Variants in TTC7A observed in about 807,000 individuals in gnomAD.
TTC7A encodes tetratricopeptide repeat protein 7A.
TTC7A carries 110 observed loss-of-function variants against 103.7 expected under a neutral mutation model. The ratio of observed to expected loss-of-function variants is 1.06; its 90% CI spans 0.91 to 1.24. The LOEUF (loss-of-function observed/expected upper bound fraction) is 1.24. Ranked by LOEUF, TTC7A falls within the 50% of genes most tolerant of loss-of-function variation. The pLI is 0.00. For missense variants in TTC7A, 1,340 were observed against 1,116.3 expected (o/e 1.20, Z -2.86); for synonymous variants, 521 against 467.9 (o/e 1.11, Z -1.47).
chr2:46,952,019 G>A (rs796711096), intron 2 of TTC7A, among the ~76,000 whole-genome samples: 4 of 152,318 alleles, frequency 2.6e-5, no homozygotes, highest in African/African-American at 9.6e-5. Flanking sequence ...GATCCTTCTG[G>A]GGCTGGATCT....
rs544628025 is a variant in TTC7A at position 46,969,156 on chromosome 2, A to C, written c.518-5817A>C. 4.6e-5 allele frequency among the ~76,000 whole-genome samples: 7 copies of C among 151,808 alleles called. No homozygotes were observed. The East Asian group carries it at 1.4e-3, about 29-fold the overall frequency. On this transcript the variant is annotated intron_variant, in intron 3 of 19. Coordinates refer to ENST00000319190, the MANE Select transcript of TTC7A (RefSeq NM_020458.4). ...TTTTTATGTCTGGTTTCTTTTGCAC[A>C]TGTAATTTTTAAGTAATTCATTTGT...
At position 47,024,522 on chromosome 2, in the gene TTC7A, G is replaced by A. The variant is rs556782943; in HGVS notation, c.1641+163G>A. ...CTTTGAGCCCTCATCAGAGGGGCCAGTAAGGATGAGGTCAGGTAATGTGGG... is the reference window on the plus strand; with the variant it reads ...CTTTGAGCCCTCATCAGAGGGGCCAATAAGGATGAGGTCAGGTAATGTGGG... On this transcript the variant is annotated intron_variant, in intron 14 of 19. Coordinates refer to ENST00000319190, the MANE Select transcript of TTC7A (RefSeq NM_020458.4). Among the ~76,000 whole-genome samples, 368 of 152,254 alleles carry A rather than the reference G, an allele frequency of 2.4e-3. 3 individuals carry two copies. The highest frequency in any genetic ancestry group is 8.2e-3 in the African/African-American group (342 of 41,526).
At chr2:46,992,090 C>G (rs1343433080) in intron 5 of TTC7A, among the ~76,000 whole-genome samples, 1 of 152,200 alleles carries the variant, frequency 6.6e-6, no homozygotes, top group Non-Finnish European at 1.5e-5. Context: ...GCTCTTCACC[C>G]TCTGTGATCT....
intron 19 of TTC7A, chr2:47,067,852 C>G (rs1368049809): frequency 6.6e-6 from 1 of 151,876 alleles, no homozygotes; most frequent in African/African-American, 2.4e-5. Flanking sequence ...TTCAGATGCT[C>G]TTGGTTCTCG....
Position 47,073,881 on chromosome 2 carries a change from C to T in TTC7A, c.2535C>T (p.Ser845=), listed in dbSNP as rs1384629380. 6.2e-7 allele frequency: 1 copy of T among 1,613,406 alleles called. No homozygotes were observed. ...CFLTALELEA[S]SPVLPFSIIP... ...TCACCGCCCTTGAGCTGGAGGCCAG[C>T]AGCCCTGTACTGCCCTTCTCCATCA... The change falls in exon 20 of 20, where the codon AGC becomes AGT. Residue 845 remains serine (S), a synonymous_variant. Transcript: ENST00000319190.
At chr2:47,050,297 G>A in intron 17 of TTC7A, 1 of 527,998 alleles carries the variant, frequency 1.9e-6, no homozygotes. Flanking sequence ...GAGGAGCCTG[G>A]CTGAAAAGGT....
intron 11 of TTC7A, among the ~76,000 whole-genome samples, chr2:47,020,238 T>G (rs1679131992): frequency 6.6e-6 from 1 of 152,192 alleles, no homozygotes; most frequent in African/African-American, 2.4e-5. Flanking sequence ...AGCTGTCAGG[T>G]GCTGAGCCAG....
At chr2:46,972,545 C>T (rs964040901) in intron 3 of TTC7A, among the ~76,000 whole-genome samples, 6 of 152,198 alleles carry the variant, frequency 3.9e-5, no homozygotes, top group Non-Finnish European at 8.8e-5. Context: ...AGCGACAATT[C>T]TAAGACTGGT....
At chr2:47,064,487 C>T (rs115831722) in intron 19 of TTC7A, among the ~76,000 whole-genome samples, 1,776 of 152,328 alleles carry the variant, frequency 0.012, 26 homozygotes, top group African/African-American at 0.038. Context: ...GGCAGAGGCC[C>T]TCCCAGAATG....
chr2:47,041,179 C>T (rs1451247042), intron 15 of TTC7A, among the ~76,000 whole-genome samples: 1 of 152,160 alleles, frequency 6.6e-6, no homozygotes, highest in African/African-American at 2.4e-5. Context: ...AACTTTGCTT[C>T]TGGACAGTTT....
intron 8 of TTC7A, among the ~76,000 whole-genome samples, chr2:47,002,793 C>G (rs1676964756): frequency 6.6e-6 from 1 of 152,112 alleles, no homozygotes; most frequent in South Asian, 2.1e-4. Context: ...CACTGCCCAG[C>G]AACCACCAGG....
In TTC7A at chr2:46,978,068, A is replaced by G. The variant is rs1572790934; in HGVS notation, c.649-724A>G. ...TGGACAGTAGTGAGACTCAGGAGAC[A>G]CAGCTCCTGTCCTGTGGGAGTGAAG... is the stretch of plus-strand genomic sequence containing the variant. On this transcript the variant is annotated intron_variant, in intron 4 of 19. Transcript: ENST00000319190. 2.0e-5 allele frequency: 3 copies of G among 152,364 alleles called. No individual in the cohort carries two copies. The Middle Eastern group carries it at 0.01, about 518-fold the overall frequency. The allele number at this position is 152,364 out of a possible 1,614,324, so 9.4% of individuals were successfully genotyped here. A position where few individuals can be genotyped will look rare whatever the true frequency, so the allele number is the denominator to read the frequency against.
intron 3 of TTC7A, chr2:46,958,447 T>G: frequency 1.6e-6 from 2 of 1,277,588 alleles, no homozygotes; most frequent in Non-Finnish European, 2.1e-6. Context: ...CTCCTGAGCC[T>G]GGCTCAGGAT....
intron 11 of TTC7A, among the ~76,000 whole-genome samples, chr2:47,021,475 C>T (rs910256006): frequency 1.8e-4 from 27 of 152,214 alleles, no homozygotes; most frequent in African/African-American, 5.8e-4. Context: ...AGCTCATGGA[C>T]GGGGCCAGAG....
chr2:47,006,045 G>T lies in TTC7A; in HGVS notation c.1189G>T (p.Val397Phe). The change falls in exon 9 of 20, where the codon GTC becomes TTC. Residue 397 changes from valine (V) to phenylalanine (F), a missense_variant. Coordinates refer to ENST00000319190, the MANE Select transcript of TTC7A (RefSeq NM_020458.4). ...SITLGRRGQY[V>F]MLSECLERAM... is the part of the protein sequence containing the mutation. The stretch of plus-strand genomic sequence containing the variant: ...CACGTTGGGCAGAAGGGGACAGTAC[G>T]TCATGCTCTCGGAGGTACGGCCGGC... 1 of 1,613,750 alleles carries T rather than the reference G, an allele frequency of 6.2e-7. No individual in the cohort carries two copies. The highest frequency in any genetic ancestry group is 8.5e-7 in the Non-Finnish European group (1 of 1,179,910).
At chr2:47,033,267 C>G (rs1335536312) in intron 15 of TTC7A, among the ~76,000 whole-genome samples, 2 of 152,248 alleles carry the variant, frequency 1.3e-5, no homozygotes, top group Non-Finnish European at 2.9e-5. Context: ...ACCAAACTCC[C>G]TTTGTCCTGA....
At chr2:47,058,704 G>A (rs1683520260) in intron 18 of TTC7A, among the ~76,000 whole-genome samples, 1 of 152,226 alleles carries the variant, frequency 6.6e-6, no homozygotes, top group Non-Finnish European at 1.5e-5. Flanking sequence ...GCCAAGCCTG[G>A]GGGCTGCTTT....
At chr2:46,928,024 G>A (rs912637236) in intron 2 of TTC7A, among the ~76,000 whole-genome samples, 1 of 149,574 alleles carries the variant, frequency 6.7e-6, no homozygotes, top group African/African-American at 2.5e-5. Context: ...CTCCTAAGTA[G>A]CTGACCACTG....
upstream of TTC7A, among the ~76,000 whole-genome samples, chr2:46,936,594 T>C (rs1340516818): frequency 6.6e-6 from 1 of 152,194 alleles, no homozygotes; most frequent in African/African-American, 2.4e-5. Context: ...TCTGTCTTAA[T>C]ATCAACCTGT....
Sources: allele counts gnomAD v4.1 joint callset (sites outside exome capture counted in the v4.1 genomes callset), GRCh38; gene constraint gnomAD v4.1.1; transcripts MANE v1.5; gene names NCBI Gene and HGNC (gene_info 2026-07-23, HGNC 2026-07-21).